The following RAPGEF6 variants were observed in gnomAD, a reference collection of about 807,000 sequenced individuals.
RAPGEF6 encodes the protein Rap guanine nucleotide exchange factor 6, also known as PDZ domain containing guanine nucleotide exchange factor (GEF) 2.
RAPGEF6 carries 56 observed loss-of-function variants against 171.4 expected under a neutral mutation model. That is an observed-to-expected ratio of 0.33 (90% CI 0.26 to 0.41). RAPGEF6 has a LOEUF of 0.41. Among genes scored for constraint, RAPGEF6 ranks in the 10% least tolerant of loss-of-function variants. The pLI is 1.00. For missense variants in RAPGEF6, 1,674 were observed against 1,921.4 expected (o/e 0.87, Z 2.41); for synonymous variants, 692 against 650.1 (o/e 1.06, Z -0.98).
At chr5:131,604,457 T>C (rs144756184) in intron 2 of RAPGEF6, among the ~76,000 whole-genome samples, 166 bp downstream of exon 2, 18 of 152,060 alleles carry the variant, frequency 1.2e-4, no homozygotes, top group Non-Finnish European at 2.5e-4. Flanking sequence ...AACTCCAAAA[T>C]CACCCCTACC....
chr5:131,561,956 C>T (rs753573748), intron 5 of RAPGEF6, 22 bp downstream of exon 5: 3 of 1,548,724 alleles, frequency 1.9e-6, no homozygotes, highest in Non-Finnish European at 8.9e-7. Context: ...AAAAACAATT[C>T]AGCATTCTTT....
intron 7 of RAPGEF6, among the ~76,000 whole-genome samples, chr5:131,513,031 T>C (rs933781438): frequency 3.3e-5 from 5 of 152,186 alleles, no homozygotes; most frequent in Admixed American, 6.5e-5. Flanking sequence ...CAGGATCATA[T>C]AGGGGCAACT....
intron 4 of RAPGEF6, among the ~76,000 whole-genome samples, chr5:131,586,050 G>A (rs1300596916): frequency 1.3e-5 from 2 of 152,126 alleles, no homozygotes; most frequent in Admixed American, 6.5e-5. Flanking sequence ...ACAGGCACAC[G>A]TCCTCAGCCT....
chr5:131,429,502 A>G (rs1196698143), intron 26 of RAPGEF6, among the ~76,000 whole-genome samples: 1 of 152,168 alleles, frequency 6.6e-6, no homozygotes, highest in East Asian at 1.9e-4. Context: ...CCCCCATATC[A>G]CAGAAGTACA....
At chr5:131,446,158 G>C (rs1476820347) in intron 22 of RAPGEF6, among the ~76,000 whole-genome samples, 1 of 151,852 alleles carries the variant, frequency 6.6e-6, no homozygotes, top group African/African-American at 2.4e-5. Context: ...AATAAAAAGA[G>C]GTAAAAATTC....
At chr5:131,433,286 G>A (rs1412533238) in intron 25 of RAPGEF6, 144 bp downstream of exon 25, 2 of 655,250 alleles carry the variant, frequency 3.1e-6, no homozygotes, top group East Asian at 5.4e-5. Context: ...ATTCAGAATA[G>A]AGAATATGTG....
intron 6 of RAPGEF6, among the ~76,000 whole-genome samples, chr5:131,528,246 T>C (rs1164107333): frequency 7.7e-6 from 1 of 129,822 alleles, no homozygotes; most frequent in South Asian, 2.2e-4. Context: ...ATATCATATA[T>C]ATAAATAAAA....
At chr5:131,489,692 A>T in intron 14 of RAPGEF6, 38 bp from the exon 15 acceptor site, 6 of 1,130,526 alleles carry the variant, frequency 5.3e-6, no homozygotes, top group Non-Finnish European at 7.6e-6. Flanking sequence ...AATACAGAAC[A>T]GTATTAGTTA....
At chr5:131,540,351 T>G (rs1053163147) in intron 6 of RAPGEF6, among the ~76,000 whole-genome samples, 1 of 152,192 alleles carries the variant, frequency 6.6e-6, no homozygotes, top group African/African-American at 2.4e-5. Flanking sequence ...TTAGACTGCG[T>G]GAGCCCAGGA....
At chr5:131,488,493 A>G (rs773281801) in intron 15 of RAPGEF6, among the ~76,000 whole-genome samples, 42 of 152,128 alleles carry the variant, frequency 2.8e-4, no homozygotes, top group Non-Finnish European at 3.2e-4. Context: ...GCATTTCTAG[A>G]TATTAGTCGA....
At chr5:131,487,499 G>A (rs1755994257) in intron 15 of RAPGEF6, among the ~76,000 whole-genome samples, 1 of 151,994 alleles carries the variant, frequency 6.6e-6, no homozygotes, top group South Asian at 2.1e-4. Flanking sequence ...CAATCCTTTA[G>A]CTAGACACAG....
chr5:131,622,910 G>A (rs879893680), intron 1 of RAPGEF6, among the ~76,000 whole-genome samples: 3 of 152,140 alleles, frequency 2.0e-5, no homozygotes, highest in East Asian at 1.9e-4. Context: ...GTGCTCTCTC[G>A]CCAATTCAGA....
intron 5 of RAPGEF6, among the ~76,000 whole-genome samples, chr5:131,558,920 A>G (rs6884741): frequency 0.78 from 118,740 of 152,082 alleles, 46,691 homozygotes; most frequent in African/African-American, 0.84. Flanking sequence ...GTTGTTGATA[A>G]GTGTAGTGTT....
rs989142065 is a variant in RAPGEF6, at chr5:131,505,395, C to G, written c.1070G>C (p.Gly357Ala). The stretch of plus-strand genomic sequence containing the variant: ...ATCATCTACTTTAGTCCTGACAATT[C>G]CATGCATGTACTGCTTATCCAGAGT... The part of the protein sequence containing the change: ...TPTLDKQYMH[G>A]IVRTKVDDCQ... The change falls in exon 10 of 28, where the codon GGA becomes GCA. Residue 357 changes from glycine to alanine, a missense_variant. Coordinates refer to ENST00000509018, the MANE Select transcript of RAPGEF6 (RefSeq NM_016340.6). 2 of 1,613,608 alleles carry G rather than the reference C, an allele frequency of 1.2e-6. No individual in the cohort carries two copies. The highest frequency in any genetic ancestry group is 1.7e-4 in the Middle Eastern group (1 of 6,058).
chr5:131,609,219 C>G (rs1764798512), intron 1 of RAPGEF6, among the ~76,000 whole-genome samples: 2 of 152,170 alleles, frequency 1.3e-5, no homozygotes, highest in African/African-American at 4.8e-5. Flanking sequence ...CCAAATAAAG[C>G]TCTTTCTTTA....
intron 1 of RAPGEF6, among the ~76,000 whole-genome samples, chr5:131,633,313 C>G (rs1208849739): frequency 6.6e-6 from 1 of 151,010 alleles, no homozygotes; most frequent in Non-Finnish European, 1.5e-5. Context: ...CCAGCCTGGG[C>G]TATAGAGGGA....
intron 20 of RAPGEF6, among the ~76,000 whole-genome samples, chr5:131,455,319 C>T (rs886430612): frequency 5.6e-4 from 85 of 152,318 alleles, no homozygotes; most frequent in Non-Finnish European, 2.6e-4. Context: ...AGTGCAGTGG[C>T]GCCATCTAGG....
intron 6 of RAPGEF6, among the ~76,000 whole-genome samples, chr5:131,531,195 C>G (rs1418118759): frequency 6.6e-6 from 1 of 152,172 alleles, no homozygotes; most frequent in East Asian, 1.9e-4. Flanking sequence ...ACAGGACAAC[C>G]TTGAAACAAA....
chr5:131,466,584 A>G (rs1314758610), intron 17 of RAPGEF6, among the ~76,000 whole-genome samples: 1 of 152,180 alleles, frequency 6.6e-6, no homozygotes, highest in East Asian at 1.9e-4. Flanking sequence ...ATAGTGAACA[A>G]GTCTCACGAG....
Sources: gnomAD v4.1 joint callset for allele counts (sites outside exome capture counted in the v4.1 genomes callset) on GRCh38, gnomAD v4.1.1 for gene constraint, MANE v1.5 for transcripts, NCBI Gene and HGNC (gene_info 2026-07-23, HGNC 2026-07-21) for gene names.